Variants in ZNF618 observed in about 807,000 individuals in gnomAD.
ZNF618 encodes the protein zinc finger protein 618.
Under a neutral mutation model 103.0 loss-of-function variants are expected in ZNF618, and 34 were observed. That is an observed-to-expected ratio of 0.33 (90% CI 0.25 to 0.44). ZNF618 has a LOEUF of 0.44. ZNF618 is among the 20% of genes least tolerant of loss of function. The probability of loss-of-function intolerance (pLI) is 1.00; values close to 1 mark genes in which losing one functional copy is unlikely to be tolerated. For synonymous variants in ZNF618, 551 were observed against 542.2 expected (o/e 1.02, Z -0.23); for missense variants, 1,059 against 1,295.4 (o/e 0.82, Z 2.80).
chr9:113,948,388 T>C (rs1835251646), intron 1 of ZNF618, among the ~76,000 whole-genome samples: 1 of 152,214 alleles, frequency 6.6e-6, no homozygotes, highest in Non-Finnish European at 1.5e-5. Context: ...CCCCTGAGTC[T>C]TCTCTGGAAA....
chr9:113,900,392 C>G (rs896610189), intron 1 of ZNF618, among the ~76,000 whole-genome samples: 2 of 152,142 alleles, frequency 1.3e-5, no homozygotes, highest in African/African-American at 4.8e-5. Context: ...TGCGATTAAC[C>G]CTAACAGTTT....
At chr9:113,980,323 T>G (rs1175523900) in intron 2 of ZNF618, among the ~76,000 whole-genome samples, 3 of 151,984 alleles carry the variant, frequency 2.0e-5, no homozygotes, top group Non-Finnish European at 2.9e-5. Flanking sequence ...GAGGTGCCTG[T>G]TAGGTATCCA....
chr9:113,991,649 C>T (rs1309816747), intron 3 of ZNF618, among the ~76,000 whole-genome samples: 3 of 152,230 alleles, frequency 2.0e-5, no homozygotes, highest in Non-Finnish European at 2.9e-5. Flanking sequence ...TATATTGAAA[C>T]GATGGGATGG....
At position 114,008,478 on chromosome 9, in the gene ZNF618, C is replaced by T. The variant is rs1286644739; in HGVS notation, c.678C>T (p.Asp226=). ...SVEGAPENRA[D]PFDQGVVATD... is the part of the protein sequence containing the mutation. ...TAAGGGCCGTGTGTTCTCCCACAGACCCCTTCGACCAAGGTGTCGTGGCCA... is the reference window on the plus strand; with the variant it reads ...TAAGGGCCGTGTGTTCTCCCACAGATCCCTTCGACCAAGGTGTCGTGGCCA... Residue 226 remains aspartate (D), a splice_region_variant and synonymous_variant, in exon 9 of 15, where the codon GAC becomes GAT. Transcript: ENST00000374126. The T allele has an allele frequency of 2.5e-6, 4 of 1,613,838 alleles. No individual in the cohort carries two copies. The highest frequency in any genetic ancestry group is 2.2e-5 in the South Asian group (2 of 91,082).
chr9:113,889,343 C>CTCTCTCTCTT (rs1209505436), intron 1 of ZNF618, among the ~76,000 whole-genome samples: 1 of 150,960 alleles, frequency 6.6e-6, no homozygotes, highest in Non-Finnish European at 1.5e-5. Context: ...CTCTCTCTCT[C>CTCTCTCTCTT]TCTTTCTCTC....
chr9:114,024,274 A>G (rs1311112916), intron 10 of ZNF618, among the ~76,000 whole-genome samples: 1 of 151,940 alleles, frequency 6.6e-6, no homozygotes, highest in Non-Finnish European at 1.5e-5. Flanking sequence ...TCTAAGTTTC[A>G]TTTGGTTTCT....
intron 2 of ZNF618, among the ~76,000 whole-genome samples, chr9:113,972,759 T>C (rs923726480): frequency 6.6e-6 from 1 of 152,152 alleles, no homozygotes; most frequent in African/African-American, 2.4e-5. Context: ...GTGAATTATA[T>C]GTTAAACGTC....
chr9:113,894,420 G>A (rs898637458), intron 1 of ZNF618, among the ~76,000 whole-genome samples: 8 of 152,268 alleles, frequency 5.3e-5, no homozygotes, highest in South Asian at 2.1e-4. Context: ...AAAGTTCAGC[G>A]CTCTCAGACT....
chr9:113,937,490 G>A (rs1394060466), intron 1 of ZNF618, among the ~76,000 whole-genome samples: 2 of 152,162 alleles, frequency 1.3e-5, no homozygotes, highest in African/African-American at 4.8e-5. Context: ...TATAGGAAAA[G>A]AAAACCCTGG....
Position 114,008,561 on chromosome 9 carries a change from G to T in ZNF618, c.754+7G>T. 1 of 1,613,680 alleles carries T rather than the reference G, an allele frequency of 6.2e-7. No individual in the cohort carries two copies. Among genetic ancestry groups the T allele is most frequent in the South Asian group, 1.1e-5 (1 of 90,986 alleles). On this transcript the variant is annotated splice_region_variant and intron_variant, in intron 9 of 14. Transcript: ENST00000374126. ...TTCCAGAAAATCGGGCCAAGTATGC[G>T]GGATTCCCTCTGGGGCCAAGGGCTG... is the stretch of plus-strand genomic sequence containing the variant.
intron 1 of ZNF618, among the ~76,000 whole-genome samples, chr9:113,930,074 T>C (rs924460958): frequency 6.6e-6 from 1 of 152,184 alleles, no homozygotes; most frequent in African/African-American, 2.4e-5. Context: ...TAGGTTGTGA[T>C]AAACCAATGG....
intron 1 of ZNF618, among the ~76,000 whole-genome samples, chr9:113,882,200 C>G (rs931721546): frequency 1.6e-4 from 25 of 152,240 alleles, no homozygotes; most frequent in African/African-American, 3.9e-4. Flanking sequence ...AGAGATTTTC[C>G]GAATCCACCC....
At chr9:113,916,964 A>G (rs997482557) in intron 1 of ZNF618, among the ~76,000 whole-genome samples, 4 of 152,168 alleles carry the variant, frequency 2.6e-5, no homozygotes, top group African/African-American at 9.6e-5. Flanking sequence ...TACTCTGCCA[A>G]GCCTTTGGGC....
In ZNF618 at chr9:114,050,865, T is replaced by C. The variant is rs1354809741; in HGVS notation, c.*698T>C. On this transcript the variant is annotated 3_prime_UTR_variant, in exon 15 of 15. Transcript: ENST00000374126. ...TGTTTCTTGTTCACCTTCAGGGCAT[T>C]GAGCTGCTGCCTTTGAGATACCCCT... 6.5e-6 allele frequency: 1 copy of C among 152,744 alleles called. No individual in the cohort carries two copies. The highest frequency in any genetic ancestry group is 6.5e-5 in the Admixed American group (1 of 15,282). 9.5% of individuals were successfully genotyped at this position (152,744 alleles called of 1,614,324 possible).
chr9:113,990,603 G>A (rs866842336), intron 3 of ZNF618, among the ~76,000 whole-genome samples: 1 of 152,236 alleles, frequency 6.6e-6, no homozygotes, highest in Non-Finnish European at 1.5e-5. Context: ...AAGCTGTCAT[G>A]TAGAATGCTG....
rs888934412 is a variant in ZNF618, at chr9:114,050,417, A to C, written c.*250A>C. On this transcript the variant is annotated 3_prime_UTR_variant, in exon 15 of 15. Transcript: ENST00000374126. ...TGGGGGGGTCTCTGTGCTCATCTCC[A>C]TGGCCAGAGAAACTTTGCACACACG... The C allele has an allele frequency of 2.3e-5, 9 of 391,380 alleles. No individual in the cohort carries two copies. Among genetic ancestry groups the C allele is most frequent in the Admixed American group, 4.4e-5 (1 of 22,776 alleles). The allele number at this position is 391,380 out of a possible 1,614,324, so 24.2% of individuals were successfully genotyped here. A position where few individuals can be genotyped will look rare whatever the true frequency, so the allele number is the denominator to read the frequency against.
intron 1 of ZNF618, among the ~76,000 whole-genome samples, chr9:113,963,645 T>C (rs1250984978): frequency 6.6e-6 from 1 of 152,250 alleles, no homozygotes; most frequent in African/African-American, 2.4e-5. Context: ...AAAGGAATGA[T>C]TAATTATTTG....
intron 1 of ZNF618, among the ~76,000 whole-genome samples, chr9:113,934,771 T>C (rs895680757): frequency 6.6e-6 from 1 of 152,184 alleles, no homozygotes; most frequent in East Asian, 1.9e-4. Flanking sequence ...TCCGGAACTC[T>C]GTGTGACTCG....
In ZNF618 at chr9:113,954,972, C is replaced by G. The variant is rs145955030; in HGVS notation, c.34-14145C>G. Among the ~76,000 whole-genome samples the G allele has an allele frequency of 1.2e-4, 19 of 152,246 alleles. No homozygotes were observed. In the East Asian group the frequency reaches 2.7e-3, roughly 22 times the overall value. On this transcript the variant is annotated intron_variant, in intron 1 of 14. Coordinates refer to ENST00000374126, the MANE Select transcript of ZNF618 (RefSeq NM_001318042.2). ...TGGACAGCCCCAGTTTCTGATAACA[C>G]CATTTCATCCCTTTTATCTCTCCAG... is the stretch of plus-strand genomic sequence containing the variant.
Sources: gnomAD v4.1 joint callset for allele counts (sites outside exome capture counted in the v4.1 genomes callset) on GRCh38, gnomAD v4.1.1 for gene constraint, MANE v1.5 for transcripts, NCBI Gene and HGNC (gene_info 2026-07-23, HGNC 2026-07-21) for gene names.